Variants in AGRN observed in about 807,000 individuals in gnomAD.
The protein encoded by AGRN is agrin proteoglycan.
In AGRN, 106 loss-of-function variants were observed where a neutral mutation model predicts 211.0. The ratio of observed to expected loss-of-function variants is 0.50; its 90% CI spans 0.43 to 0.59. The LOEUF is 0.59. Among genes scored for constraint, AGRN ranks in the 20% least tolerant of loss-of-function variants. AGRN has a pLI of 0.00. For missense variants in AGRN, 3,040 were observed against 2,982.6 expected (o/e 1.02, Z -0.45); for synonymous variants, 1,525 against 1,332.5 (o/e 1.14, Z -3.15).
At position 1,047,693 on chromosome 1, in the gene AGRN, A is replaced by T. The variant is rs771303026; in HGVS notation, c.3631+6A>T. On this transcript the variant is annotated splice_donor_region_variant and intron_variant, in intron 21 of 35. Coordinates refer to ENST00000379370, the MANE Select transcript of AGRN (RefSeq NM_198576.4). ...GGATGTGCACTTTGACCCCAGTGAG[A>T]CCTGCACCCTGGACCCTTCCTGGGA... 5 of 1,612,944 alleles carry T rather than the reference A, an allele frequency of 3.1e-6. No individual in the cohort carries two copies. The East Asian group carries it at 8.9e-5, about 29-fold the overall frequency.
chr1:1,046,355 C>T, intron 17 of AGRN, 42 bp from the exon 18 acceptor site: 4 of 1,603,310 alleles, frequency 2.5e-6, no homozygotes, highest in South Asian at 2.2e-5. Flanking sequence ...CCACCTGACC[C>T]TGTCCCAACC....
At chr1:1,027,430 G>A (rs1644544708) in intron 2 of AGRN, among the ~76,000 whole-genome samples, 2 of 152,160 alleles carry the variant, frequency 1.3e-5, no homozygotes. Flanking sequence ...CCTGTCCAGG[G>A]GGCCTCGGAG....
intron 8 of AGRN, 28 bp downstream of exon 8, chr1:1,043,485 G>T: frequency 6.2e-7 from 1 of 1,600,120 alleles, no homozygotes. Flanking sequence ...GGTCTGGTGG[G>T]GGTCGGGGAG....
rs1644683775 is a variant in AGRN, at chr1:1,031,863, T to A, written c.464-3414T>A. ...GTGACCTGGTAGCACGGCCTGGGTT[T>A]GACCCTGGCACTGCCCCTGGGACTC... On this transcript the variant is annotated intron_variant, in intron 2 of 35. Transcript: ENST00000379370. This position sits in a 1 kb window ranked among gnomAD's most constrained non-coding sequence, Gnocchi z 4.8. 6.6e-6 allele frequency among the ~76,000 whole-genome samples: 1 copy of A among 152,212 alleles called. No homozygotes were observed. Among genetic ancestry groups the A allele is most frequent in the African/African-American group, 2.4e-5 (1 of 41,444 alleles).
chr1:1,034,835 G>T (rs9442364), intron 2 of AGRN: 18 of 515,412 alleles, frequency 3.5e-5, no homozygotes, highest in Non-Finnish European at 4.2e-5. Flanking sequence ...GTCACTCTGC[G>T]GACCCCTCGG....
Position 1,051,801 on chromosome 1 carries a change from C to T in AGRN, c.5637C>T (p.Asn1879=), listed in dbSNP as rs141230823. 49 of 1,613,766 alleles carry T rather than the reference C, an allele frequency of 3.0e-5. No individual in the cohort carries two copies. Among genetic ancestry groups the T allele is most frequent in the African/African-American group, 5.3e-5 (4 of 75,066 alleles). The stretch of plus-strand genomic sequence containing the variant: ...GGCGGACCTTTGTCGAGTACCTCAA[C>T]GCTGTGACCGAGAGGTAACGTGCCA... ...FDGRTFVEYL[N]AVTESEKALQ... The change falls in exon 33 of 36, where the codon AAC becomes AAT. Residue 1879 remains asparagine (N), a synonymous_variant. Coordinates refer to ENST00000379370, the MANE Select transcript of AGRN (RefSeq NM_198576.4).
chr1:1,021,424 T>G (rs564071231), intron 1 of AGRN, among the ~76,000 whole-genome samples: 24 of 152,320 alleles, frequency 1.6e-4, no homozygotes, highest in Non-Finnish European at 2.5e-4. Flanking sequence ...GATGCCGCAG[T>G]CCTGAGGCTC....
intron 3 of AGRN, among the ~76,000 whole-genome samples, chr1:1,040,238 G>C (rs1459421390): frequency 6.6e-6 from 1 of 152,218 alleles, no homozygotes; most frequent in Non-Finnish European, 1.5e-5. Flanking sequence ...CTCCGGTGCC[G>C]ATGTGGAAGG....
chr1:1,040,735 C>G lies in AGRN; in HGVS notation c.582C>G (p.Ser194=), dbSNP rs1644907305. ...EPNAEGPGRA[S]CVCKKSPCPS... is the part of the protein sequence containing the mutation. ...ACGCGGAGGGGCCGGGCCGGGCGTC[C>G]TGCGTCTGCAAGAAGAGCCCGTGCC... Residue 194 remains serine (S), a synonymous_variant, in exon 4 of 36, where the codon TCC becomes TCG. Transcript: ENST00000379370. 1 of 1,545,578 alleles carries G rather than the reference C, an allele frequency of 6.5e-7. No homozygotes were observed. The highest frequency in any genetic ancestry group is 2.4e-5 in the East Asian group (1 of 40,958).
At chr1:1,043,129 CTT>C in intron 7 of AGRN, 108 bp from the exon 8 acceptor site, 1 of 1,250,214 alleles carries the variant, frequency 8.0e-7, no homozygotes, top group Non-Finnish European at 1.1e-6. Flanking sequence ...TGTGTTCTCT[CTT>C]CCTCCACCAT....
At chr1:1,045,934 CCA>C (rs1453566989) in intron 15 of AGRN, 28 bp from the exon 16 acceptor site, 2 of 1,612,172 alleles carry the variant, frequency 1.2e-6, no homozygotes, top group Non-Finnish European at 1.7e-6. Flanking sequence ...GTCACCCGAG[CCA>C]CAGAGGTTTC....
chr1:1,022,320 G>A lies in AGRN; in HGVS notation c.321G>A (p.Val107=), dbSNP rs1174937877. Residue 107 remains valine (V), a synonymous_variant, in exon 2 of 36, where the codon GTG becomes GTA. Transcript: ENST00000379370. The stretch of plus-strand genomic sequence containing the variant: ...ACCCCCTCATCTGTGACAACCAGGT[G>A]TCCACTGGGGACACCAGGATCTTCT... ...FGDPLICDNQ[V]STGDTRIFFV... is the part of the protein sequence containing the mutation. 6.2e-7 allele frequency: 1 copy of A among 1,613,374 alleles called. No homozygotes were observed. The highest frequency in any genetic ancestry group is 8.5e-7 in the Non-Finnish European group (1 of 1,180,020).
intron 2 of AGRN, among the ~76,000 whole-genome samples, chr1:1,029,237 A>AC (rs1644591959): frequency 6.6e-6 from 1 of 152,174 alleles, no homozygotes; most frequent in African/African-American, 2.4e-5. Flanking sequence ...GCGGGTGCCC[A>AC]ACCAGAGTGT....
rs773398629 is a variant in AGRN, at chr1:1,041,580, G to A, written c.1055G>A (p.Arg352Gln). 1.9e-6 allele frequency: 3 copies of A among 1,610,616 alleles called. No homozygotes were observed. Among genetic ancestry groups the A allele is most frequent in the African/African-American group, 1.3e-5 (1 of 75,000 alleles). ...CTACGGCCCGAGAGCTGCCCTGCCC[G>A]GCAGGCGCCAGTGTGTGGGGACGAC... ...MLLRPESCPA[R>Q]QAPVCGDDGV... The change falls in exon 6 of 36, where the codon CGG becomes CAG. Residue 352 changes from arginine (R) to glutamine (Q), a missense_variant. Arg to Gln is a conservative substitution (Grantham distance 43, BLOSUM62 1). Coordinates refer to ENST00000379370, the MANE Select transcript of AGRN (RefSeq NM_198576.4).
Position 1,053,012 on chromosome 1 carries a change from C to T in AGRN, c.5652-741C>T, listed in dbSNP as rs543618340. The T allele has an allele frequency of 5.8e-5, 11 of 188,166 alleles. No individual in the cohort carries two copies. The South Asian group carries it at 1.1e-3, about 19-fold the overall frequency. 11.7% of individuals were successfully genotyped at this position (188,166 alleles called of 1,614,324 possible). A position where few individuals can be genotyped will look rare whatever the true frequency, so the allele number is the denominator to read the frequency against. Reference sequence around the variant, plus strand: ...GTGTGTCTGTGTGTGTTCGTGTACACGTGTGTATGTGTGTGAACATGGAGG... The same window carrying T: ...GTGTGTCTGTGTGTGTTCGTGTACATGTGTGTATGTGTGTGAACATGGAGG... On this transcript the variant is annotated intron_variant, in intron 33 of 35. Coordinates refer to ENST00000379370, the MANE Select transcript of AGRN (RefSeq NM_198576.4).
intron 30 of AGRN, 131 bp from the exon 31 acceptor site, chr1:1,051,122 C>T (rs948463405): frequency 6.5e-7 from 1 of 1,532,808 alleles, no homozygotes; most frequent in Non-Finnish European, 8.8e-7. Flanking sequence ...AAGGACCCTG[C>T]CATTTCTGTG....
rs149636063 is a variant in AGRN, at chr1:1,041,976, C to A, written c.1198C>A (p.Arg400=). 3 of 1,611,654 alleles carry A rather than the reference C, an allele frequency of 1.9e-6. No homozygotes were observed. Among genetic ancestry groups the A allele is most frequent in the African/African-American group, 1.3e-5 (1 of 74,890 alleles). The stretch of plus-strand genomic sequence containing the variant: ...CCTAGACCAGTGCCCGGAGCCCTGC[C>A]GGTTCAATGCCGTGTGCCTGTCCCG... ...QGRDQCPEPC[R]FNAVCLSRRG... The change falls in exon 7 of 36, where the codon CGG becomes AGG. Residue 400 remains arginine, a synonymous_variant. Transcript: ENST00000379370.
intron 33 of AGRN, chr1:1,052,100 G>C (rs1371730280): frequency 7.1e-7 from 1 of 1,408,862 alleles, no homozygotes; most frequent in Non-Finnish European, 9.5e-7. Context: ...GGAGCCCCCG[G>C]GGAACTTTCC....
chr1:1,043,648 C>T lies in AGRN; in HGVS notation c.1714C>T (p.His572Tyr). 6.2e-7 allele frequency: 1 copy of T among 1,601,574 alleles called. No homozygotes were observed. Among genetic ancestry groups the T allele is most frequent in the Non-Finnish European group, 8.5e-7 (1 of 1,179,628 alleles). The change falls in exon 9 of 36, where the codon CAC becomes TAC. Residue 572 changes from histidine to tyrosine, a missense_variant. Coordinates refer to ENST00000379370, the MANE Select transcript of AGRN (RefSeq NM_198576.4). ...LAQPVCGSDG[H>Y]TYPSECMLHV... ...CCAGCCCGTGTGTGGCTCCGACGGG[C>T]ACACGTACCCCAGCGAGTGCATGCT... is the stretch of plus-strand genomic sequence containing the variant.
Sources: gnomAD v4.1 joint callset for allele counts (sites outside exome capture counted in the v4.1 genomes callset) on GRCh38, gnomAD v4.1.1 for gene constraint, Gnocchi (gnomAD v3.1) non-coding constraint, MANE v1.5 for transcripts, NCBI Gene and HGNC (gene_info 2026-07-23, HGNC 2026-07-21) for gene names.